Variants in EIF2D observed in about 807,000 individuals in gnomAD.
EIF2D encodes hepatocellular carcinoma-associated antigen 56.
EIF2D carries 56 observed loss-of-function variants against 77.4 expected under a neutral mutation model. That is an observed-to-expected ratio of 0.72 (90% CI 0.58 to 0.90). The LOEUF (loss-of-function observed/expected upper bound fraction) is 0.90. EIF2D is among the 40% of genes least tolerant of loss of function. EIF2D has a pLI of 0.00. For synonymous variants in EIF2D, 230 were observed against 271.0 expected (o/e 0.85, Z 1.49); for missense variants, 574 against 706.5 (o/e 0.81, Z 2.13).
Position 206,612,382 on chromosome 1 carries a change from G to A in EIF2D, c.-40C>T, listed in dbSNP as rs1553414278. 6.2e-7 allele frequency: 1 copy of A among 1,613,876 alleles called. No individual in the cohort carries two copies. Among genetic ancestry groups the A allele is most frequent in the Non-Finnish European group, 8.5e-7 (1 of 1,179,726 alleles). On this transcript the variant is annotated 5_prime_UTR_variant, in exon 1 of 15. Coordinates refer to ENST00000271764, the MANE Select transcript of EIF2D (RefSeq NM_006893.3). ...CCTGGGGAAGAGAGCACAGAAGCCA[G>A]GGAATGTCAAGAAAGCGAGGGCGCA...
downstream of EIF2D, chr1:206,588,659 C>T (rs540740544): frequency 6.6e-6 from 1 of 152,534 alleles, no homozygotes; most frequent in African/African-American, 2.4e-5. Context: ...GCTGACCCCT[C>T]GTCGTATGAA....
chr1:206,586,769 A>G (rs1044695522), downstream of EIF2D: 9 of 1,413,770 alleles, frequency 6.4e-6, no homozygotes, highest in Admixed American at 1.6e-4. Context: ...GGTCGTGTCA[A>G]CTTCTAACCT....
Position 206,602,453 on chromosome 1 carries a change from T to C in EIF2D, c.785A>G (p.Glu262Gly). The C allele has an allele frequency of 6.2e-7, 1 of 1,613,882 alleles. No individual in the cohort carries two copies. Among genetic ancestry groups the C allele is most frequent in the Non-Finnish European group, 8.5e-7 (1 of 1,179,772 alleles). The change falls in exon 7 of 15, where the codon GAA (glutamate) becomes GGA (glycine). Residue 262 changes from glutamate to glycine, a missense_variant and splice_region_variant. Physicochemically the swap from Glu to Gly is moderately conservative, Grantham distance 98 (BLOSUM62 -2). Coordinates refer to ENST00000271764, the MANE Select transcript of EIF2D (RefSeq NM_006893.3). ...QDSTDSKTLQEQMDELLQQCF... is the reference protein window; with the variant it reads ...QDSTDSKTLQGQMDELLQQCF... Reference sequence around the variant, plus strand: ...TTGCTGTAACAGCTCATCCATTTGTTCTGCAGGGAAAAGACAAGAGCCACA... The same window carrying C: ...TTGCTGTAACAGCTCATCCATTTGTCCTGCAGGGAAAAGACAAGAGCCACA...
chr1:206,577,389 C>G lies in EIF2D; in HGVS notation c.*254+3303G>C, dbSNP rs78298346. Among the ~76,000 whole-genome samples, 1,076 of 152,318 alleles carry G rather than the reference C, an allele frequency of 7.1e-3. 37 individuals are homozygous for G. In the East Asian group the frequency reaches 0.09, roughly 13 times the overall value. ...CTTTCCTGGGATGATAGTCACCATA[C>G]ATGCCTTTGAATGGGTTTGGTGATT... On this transcript the variant is annotated intron_variant and NMD_transcript_variant, in intron 4 of 5. Transcript: ENST00000472709.
At chr1:206,596,478 A>G (rs1334502042) in intron 12 of EIF2D, among the ~76,000 whole-genome samples, 1 of 152,216 alleles carries the variant, frequency 6.6e-6, no homozygotes, top group African/African-American at 2.4e-5. Flanking sequence ...TTATTTACAA[A>G]AACAGGTGGC....
At chr1:206,604,437 C>T (rs184805693) in intron 5 of EIF2D, among the ~76,000 whole-genome samples, 31 of 147,310 alleles carry the variant, frequency 2.1e-4, no homozygotes, top group African/African-American at 7.1e-4. Flanking sequence ...GAGCAAAACT[C>T]CATCTCAAAA....
intron 13 of EIF2D, 127 bp downstream of exon 13, chr1:206,595,591 G>A: frequency 1.7e-6 from 2 of 1,188,824 alleles, no homozygotes; most frequent in South Asian, 1.6e-5. Flanking sequence ...ATAAACACGG[G>A]TGTTTCATAA....
chr1:206,602,097 C>T (rs941665090), intron 7 of EIF2D: 9 of 454,212 alleles, frequency 2.0e-5, no homozygotes, highest in Non-Finnish European at 3.2e-5. Context: ...TTTAACTTTC[C>T]GGTCCTCAAT....
Position 206,579,691 on chromosome 1 carries a change from C to T in EIF2D, c.*254+1001G>A, listed in dbSNP as rs1553405867. On this transcript the variant is annotated intron_variant and NMD_transcript_variant, in intron 4 of 5. Transcript: ENST00000472709. This position sits in a 1 kb window ranked among gnomAD's most constrained non-coding sequence, Gnocchi z 4.2. ...TAAAATTCCCATGCCCAGACTGCAC[C>T]CCAGACCAATTAAATCAGAATCTCC... is the stretch of plus-strand genomic sequence containing the variant. Among the ~76,000 whole-genome samples the T allele has an allele frequency of 1.3e-5, 2 of 152,116 alleles. No individual in the cohort carries two copies. Among genetic ancestry groups the T allele is most frequent in the African/African-American group, 4.8e-5 (2 of 41,412 alleles).
At chr1:206,585,160 C>T in intron 2 of EIF2D, 5 of 1,587,044 alleles carry the variant, frequency 3.2e-6, no homozygotes, top group Non-Finnish European at 4.3e-6. Context: ...GAGCTCCCAG[C>T]ACCCTCTCTT....
intron 11 of EIF2D, among the ~76,000 whole-genome samples, chr1:206,598,788 T>G (rs1669774243): frequency 6.6e-6 from 1 of 152,226 alleles, no homozygotes; most frequent in Non-Finnish European, 1.5e-5. Flanking sequence ...GAATATTTAC[T>G]TAGTCGGTAG....
At position 206,612,430 on chromosome 1, in the gene EIF2D, T is replaced by C. The variant is rs1318946291; in HGVS notation, c.-88A>G. On this transcript the variant is annotated 5_prime_UTR_variant, in exon 1 of 15. Coordinates refer to ENST00000271764, the MANE Select transcript of EIF2D (RefSeq NM_006893.3). ...GCAGCAGCTGCCAGGCCCTCAGCCG[T>C]GGGGGCAGCCATGCTGGGGCCCGGC... The C allele has an allele frequency of 6.4e-7, 1 of 1,560,402 alleles. No homozygotes were observed. The highest frequency in any genetic ancestry group is 8.8e-7 in the Non-Finnish European group (1 of 1,133,126).
At chr1:206,600,634 TTTAAA>T (rs1669882570) in intron 7 of EIF2D, 1 of 221,894 alleles carries the variant, frequency 4.5e-6, no homozygotes, top group African/African-American at 2.3e-5. Context: ...TTTTATTTAC[TTTAAA>T]TTAATTTAAA....
In EIF2D at chr1:206,592,169, A is replaced by G. The variant is rs2102271982; in HGVS notation, c.1685-324T>C. On this transcript the variant is annotated intron_variant, in intron 14 of 14. Transcript: ENST00000271764. The surrounding 1 kb of genome is among the most constrained non-coding windows in gnomAD (Gnocchi z 4.7). Reference sequence around the variant, plus strand: ...TCTTCACATAAAGAGGCTCAACTCTAGAAGTTAACTGTCAGGTACTGCCAT... The same window carrying G: ...TCTTCACATAAAGAGGCTCAACTCTGGAAGTTAACTGTCAGGTACTGCCAT... Among the ~76,000 whole-genome samples the G allele has an allele frequency of 6.6e-6, 1 of 152,368 alleles. No individual in the cohort carries two copies. Among genetic ancestry groups the G allele is most frequent in the East Asian group, 1.9e-4 (1 of 5,190 alleles).
chr1:206,573,587 CAAGT>C, intron 4 of EIF2D, among the ~76,000 whole-genome samples: 1 of 152,314 alleles, frequency 6.6e-6, no homozygotes, highest in Middle Eastern at 3.4e-3. Flanking sequence ...AAGTATTGAG[CAAGT>C]ATTTCCTATT....
chr1:206,611,498 T>C (rs1670496481), intron 1 of EIF2D, 124 bp from the exon 2 acceptor site: 2 of 704,730 alleles, frequency 2.8e-6, no homozygotes, highest in South Asian at 2.0e-5. Context: ...TGGTTTATGA[T>C]GTCCTAGTCT....
At position 206,597,183 on chromosome 1, in the gene EIF2D, C is replaced by T. The variant is rs1553410354; in HGVS notation, c.1305G>A (p.Leu435=). The T allele has an allele frequency of 6.2e-7, 1 of 1,613,410 alleles. No individual in the cohort carries two copies. Among genetic ancestry groups the T allele is most frequent in the East Asian group, 2.2e-5 (1 of 44,878 alleles). Residue 435 remains leucine (L), a synonymous_variant, in exon 12 of 15, where the codon TTG becomes TTA. Coordinates refer to ENST00000271764, the MANE Select transcript of EIF2D (RefSeq NM_006893.3). The part of the protein sequence containing the change: ...VDADNKNLVR[L]DPILCDCILE... ...AGATGCAGTCACATAGGATGGGATC[C>T]AATCTCACAAGACTAAAGGGAAAGA...
downstream of EIF2D, among the ~76,000 whole-genome samples, chr1:206,570,735 T>C (rs1668425092): frequency 6.6e-6 from 1 of 152,144 alleles, no homozygotes; most frequent in South Asian, 2.1e-4. Flanking sequence ...CAGAATTTCC[T>C]TCCCTTTCAA....
rs11581938 is a variant in EIF2D at position 206,584,829 on chromosome 1, T to C, written c.139-3667A>G. On this transcript the variant is annotated intron_variant and NMD_transcript_variant, in intron 2 of 5. Coordinates refer to the EIF2D transcript ENST00000472709. The surrounding 1 kb of genome is among the most constrained non-coding windows in gnomAD (Gnocchi z 4.9). Reference sequence around the variant, plus strand: ...CAGCTGCCCATGTGGTGTTCAGATCTGTGGAATCCGGGCAGGGAGGCAAGA... The same window carrying C: ...CAGCTGCCCATGTGGTGTTCAGATCCGTGGAATCCGGGCAGGGAGGCAAGA... The C allele has an allele frequency of 2.3e-6, 2 of 851,678 alleles. 1 individual carries two copies. Among genetic ancestry groups the C allele is most frequent in the South Asian group, 3.4e-5 (2 of 58,056 alleles). 52.8% of individuals were successfully genotyped at this position (851,678 alleles called of 1,614,324 possible).
Sources: allele counts gnomAD v4.1 joint callset (sites outside exome capture counted in the v4.1 genomes callset), GRCh38; gene constraint gnomAD v4.1.1; non-coding constraint Gnocchi (gnomAD v3.1); transcripts MANE v1.5; gene names NCBI Gene and HGNC (gene_info 2026-07-23, HGNC 2026-07-21).